Variants in NUCKS1 observed in about 807,000 individuals in gnomAD.
NUCKS1 encodes nuclear ubiquitous casein and cyclin-dependent kinase substrate 1.
In NUCKS1, 2 loss-of-function variants were observed where a neutral mutation model predicts 33.0. The observed-to-expected ratio is 0.06, with a 90% CI of 0.02 to 0.19. The LOEUF (loss-of-function observed/expected upper bound fraction) is 0.19, where lower values mean the gene tolerates loss of function less well. Ranked by LOEUF, NUCKS1 falls within the 10% of genes least tolerant of loss-of-function variation. The pLI is 1.00. For missense variants in NUCKS1, 201 were observed against 293.6 expected (o/e 0.68, Z 2.31); for synonymous variants, 106 against 102.8 (o/e 1.03, Z -0.19).
rs1055232818 is a variant in NUCKS1 at position 205,713,412 on chromosome 1, T to C, written c.*4868A>G. On this transcript the variant is annotated 3_prime_UTR_variant, in exon 7 of 7. Transcript: ENST00000367142. ...AGGATACACATACTTAAAACAGAGC[T>C]CAGGAGCAGACACGCAGTCCTGGAA... 6.6e-5 allele frequency: 10 copies of C among 152,042 alleles called. No homozygotes were observed. Among genetic ancestry groups the C allele is most frequent in the Admixed American group, 1.3e-4 (2 of 15,262 alleles). The allele number at this position is 152,042 out of a possible 1,614,324, so 9.4% of individuals were successfully genotyped here. A position where few individuals can be genotyped will look rare whatever the true frequency, so the allele number is the denominator to read the frequency against.
intron 1 of NUCKS1, among the ~76,000 whole-genome samples, chr1:205,744,606 G>A (rs935718256): frequency 3.1e-4 from 42 of 137,300 alleles, no homozygotes; most frequent in African/African-American, 1.1e-3. Context: ...ATATCTCAGT[G>A]TGAAAATTCC....
Position 205,718,146 on chromosome 1 carries a change from G to A in NUCKS1, c.*134C>T. On this transcript the variant is annotated 3_prime_UTR_variant, in exon 7 of 7. Coordinates refer to ENST00000367142, the MANE Select transcript of NUCKS1 (RefSeq NM_022731.5). Reference sequence around the variant, plus strand: ...TGTTACTTTCAACAAATGGAAAAAAGCACTGAAAGCCCATGAGTCAAGCCA... The same window carrying A: ...TGTTACTTTCAACAAATGGAAAAAAACACTGAAAGCCCATGAGTCAAGCCA... The A allele has an allele frequency of 2.4e-6, 3 of 1,274,284 alleles. No homozygotes were observed. The highest frequency in any genetic ancestry group is 3.2e-5 in the East Asian group (1 of 30,976). 78.9% of individuals were successfully genotyped at this position (1,274,284 alleles called of 1,614,324 possible).
At chr1:205,720,376 G>A (rs538856423) in intron 5 of NUCKS1, 125 bp downstream of exon 5, 16 of 867,792 alleles carry the variant, frequency 1.8e-5, no homozygotes, top group African/African-American at 1.3e-4. Context: ...CTTTTAACAC[G>A]GAGTATCTAC....
intron 3 of NUCKS1, among the ~76,000 whole-genome samples, chr1:205,725,646 G>C (rs1653747085): frequency 6.6e-6 from 1 of 152,066 alleles, no homozygotes; most frequent in African/African-American, 2.4e-5. Context: ...TTAAGTGAAG[G>C]CTGAACTTTG....
intron 6 of NUCKS1, 63 bp downstream of exon 6, chr1:205,719,464 T>G (rs752612194): frequency 1.3e-6 from 2 of 1,510,856 alleles, no homozygotes; most frequent in Non-Finnish European, 1.8e-6. Flanking sequence ...ATTTCTGTAT[T>G]GAAAATAATG....
chr1:205,748,967 T>G (rs560489103), intron 1 of NUCKS1, among the ~76,000 whole-genome samples: 75 of 152,250 alleles, frequency 4.9e-4, no homozygotes, highest in African/African-American at 1.7e-3. Flanking sequence ...TACAATAGCC[T>G]GGAGAATGGC....
chr1:205,744,685 T>C (rs1654272247), intron 1 of NUCKS1, among the ~76,000 whole-genome samples: 2 of 129,330 alleles, frequency 1.5e-5, no homozygotes, highest in South Asian at 5.4e-4. Flanking sequence ...CAGGCTCCAG[T>C]GCAATGGCGT....
chr1:205,727,591 T>G, intron 3 of NUCKS1, 109 bp downstream of exon 3: 1 of 749,838 alleles, frequency 1.3e-6, no homozygotes, highest in Non-Finnish European at 2.4e-6. Flanking sequence ...AAGTGGACAG[T>G]AAGTACTTTT....
intron 1 of NUCKS1, among the ~76,000 whole-genome samples, chr1:205,746,451 T>TCACA (rs1432472190): frequency 1.5e-4 from 18 of 116,190 alleles, no homozygotes; most frequent in African/African-American, 6.2e-4. Context: ...TCTCTCTCTC[T>TCACA]CTCACACACA....
intron 1 of NUCKS1, among the ~76,000 whole-genome samples, chr1:205,730,053 A>AT (rs1430905673): frequency 2.2e-4 from 34 of 151,906 alleles, no homozygotes; most frequent in Admixed American, 2.2e-3. Context: ...AAAAAAGAAA[A>AT]TTATTTAATT....
In NUCKS1 at chr1:205,718,182, C is replaced by G; in HGVS notation, c.*98G>C. ...CCATGAGTCAAGCCATAGCCAAAAC[C>G]ATGTTCTATCTTAAGTAGGTTCTTT... On this transcript the variant is annotated 3_prime_UTR_variant, in exon 7 of 7. Transcript: ENST00000367142. The G allele has an allele frequency of 7.0e-7, 1 of 1,432,506 alleles. No homozygotes were observed. Among genetic ancestry groups the G allele is most frequent in the East Asian group, 2.5e-5 (1 of 39,332 alleles). The allele number at this position is 1,432,506 out of a possible 1,614,324, so 88.7% of individuals were successfully genotyped here. A position where few individuals can be genotyped will look rare whatever the true frequency, so the allele number is the denominator to read the frequency against.
chr1:205,714,728 C>T lies in NUCKS1; in HGVS notation c.*3552G>A, dbSNP rs1671794921. The T allele has an allele frequency of 6.6e-6, 1 of 152,128 alleles. No individual in the cohort carries two copies. The highest frequency in any genetic ancestry group is 6.6e-5 in the Admixed American group (1 of 15,260). 9.4% of individuals were successfully genotyped at this position (152,128 alleles called of 1,614,324 possible). A position where few individuals can be genotyped will look rare whatever the true frequency, so the allele number is the denominator to read the frequency against. Reference sequence around the variant, plus strand: ...GAGCAACCAGCTTGTTACATTTTCCCTATCCTATGGCAGGAAATGCGTATT... The same window carrying T: ...GAGCAACCAGCTTGTTACATTTTCCTTATCCTATGGCAGGAAATGCGTATT... On this transcript the variant is annotated 3_prime_UTR_variant, in exon 7 of 7. Transcript: ENST00000367142.
intron 1 of NUCKS1, among the ~76,000 whole-genome samples, chr1:205,744,451 G>A (rs919548551): frequency 1.3e-5 from 2 of 152,086 alleles, no homozygotes; most frequent in Non-Finnish European, 2.9e-5. Flanking sequence ...TCTACTAAGT[G>A]AGGAAGTGAT....
Position 205,740,336 on chromosome 1 carries a change from C to T in NUCKS1, c.17+9621G>A, listed in dbSNP as rs1480127807. ...ATTTACAATTTAAAATATCAAATTC[C>T]CTCTGGTTGTGGTAGCTCACGCCTG... On this transcript the variant is annotated intron_variant, in intron 1 of 6. Coordinates refer to ENST00000367142, the MANE Select transcript of NUCKS1 (RefSeq NM_022731.5). 2.0e-5 allele frequency among the ~76,000 whole-genome samples: 3 copies of T among 151,928 alleles called. No individual in the cohort carries two copies. The East Asian group carries it at 5.9e-4, about 30-fold the overall frequency.
At chr1:205,735,872 A>G (rs1329303005) in intron 1 of NUCKS1, among the ~76,000 whole-genome samples, 1 of 152,154 alleles carries the variant, frequency 6.6e-6, no homozygotes, top group Non-Finnish European at 1.5e-5. Flanking sequence ...TCTTAAAAGT[A>G]TTGGTTCTAG....
rs1418003649 is a variant in NUCKS1, at chr1:205,727,857, C to G, written c.68-52G>C. 24 of 1,187,584 alleles carry G rather than the reference C, an allele frequency of 2.0e-5. No homozygotes were observed. The African/African-American group carries it at 3.3e-4, about 17-fold the overall frequency. The allele number at this position is 1,187,584 out of a possible 1,614,324, so 73.6% of individuals were successfully genotyped here. ...AACTATGATTTTTACATGTTAAAATCACCACTATATTTACTGACATAATTA... is the reference window on the plus strand; with the variant it reads ...AACTATGATTTTTACATGTTAAAATGACCACTATATTTACTGACATAATTA... On this transcript the variant is annotated intron_variant, in intron 2 of 6. Transcript: ENST00000367142.
intron 1 of NUCKS1, among the ~76,000 whole-genome samples, chr1:205,739,224 A>G (rs1346415406): frequency 6.6e-6 from 1 of 152,206 alleles, no homozygotes; most frequent in Non-Finnish European, 1.5e-5. Flanking sequence ...CAAACCTATA[A>G]TCCACACATG....
intron 3 of NUCKS1, among the ~76,000 whole-genome samples, chr1:205,725,875 T>A (rs1042506149): frequency 2.0e-5 from 3 of 152,132 alleles, no homozygotes; most frequent in African/African-American, 7.2e-5. Context: ...ATAATGAATA[T>A]AATGAAAAAT....
At chr1:205,739,782 G>A (rs1654119799) in intron 1 of NUCKS1, among the ~76,000 whole-genome samples, 1 of 152,010 alleles carries the variant, frequency 6.6e-6, no homozygotes, top group Non-Finnish European at 1.5e-5. Context: ...GTAGAGATGA[G>A]GTCTCCCTAT....
Sources: gnomAD v4.1 joint callset for allele counts (sites outside exome capture counted in the v4.1 genomes callset) on GRCh38, gnomAD v4.1.1 for gene constraint, MANE v1.5 for transcripts, NCBI Gene and HGNC (gene_info 2026-07-23, HGNC 2026-07-21) for gene names.